Variants in MYO10 observed in about 807,000 individuals in gnomAD.
MYO10 encodes the protein unconventional myosin-X.
In MYO10, 133 loss-of-function variants were observed where a neutral mutation model predicts 257.3. The ratio of observed to expected loss-of-function variants is 0.52; its 90% CI spans 0.45 to 0.60. The LOEUF is 0.60. Ranked by LOEUF, MYO10 falls within the 20% of genes least tolerant of loss-of-function variation. The probability of loss-of-function intolerance (pLI) is 0.00; values close to 1 mark genes in which losing one functional copy is unlikely to be tolerated. For synonymous variants in MYO10, 1,104 were observed against 1,028.6 expected, an observed-to-expected ratio of 1.07 and a Z score of -1.40; for missense variants, 2,399 against 2,635.7, an observed-to-expected ratio of 0.91 and a Z score of 1.97.
chr5:16,730,075 G>A (rs1316762103), intron 19 of MYO10, among the ~76,000 whole-genome samples: 1 of 152,098 alleles, frequency 6.6e-6, no homozygotes, highest in Non-Finnish European at 1.5e-5. Context: ...ACTCAGAGAT[G>A]TATCACAATG....
At chr5:16,913,957 T>C (rs967692630) in intron 1 of MYO10, among the ~76,000 whole-genome samples, 2 of 152,116 alleles carry the variant, frequency 1.3e-5, no homozygotes, top group Non-Finnish European at 2.9e-5. Context: ...CAGCCCCTTT[T>C]ATGGGATTTC....
chr5:16,725,645 T>G (rs1210017577), intron 19 of MYO10, among the ~76,000 whole-genome samples: 2 of 152,140 alleles, frequency 1.3e-5, no homozygotes, highest in African/African-American at 4.8e-5. Context: ...CAAAGTACTT[T>G]ACCTACAATT....
At chr5:16,748,946 T>C (rs1237116115) in intron 19 of MYO10, among the ~76,000 whole-genome samples, 1 of 152,026 alleles carries the variant, frequency 6.6e-6, no homozygotes, top group Non-Finnish European at 1.5e-5. Context: ...AAGACCCCTG[T>C]GTGAGATGGT....
At chr5:16,886,823 T>C (rs866705887) in intron 1 of MYO10, among the ~76,000 whole-genome samples, 1 of 151,742 alleles carries the variant, frequency 6.6e-6, no homozygotes, top group East Asian at 1.9e-4. Context: ...TCTCAGCTAC[T>C]TGGGAGTCTG....
chr5:16,696,191 A>G (rs1737739865), intron 26 of MYO10, among the ~76,000 whole-genome samples: 1 of 152,150 alleles, frequency 6.6e-6, no homozygotes, highest in South Asian at 2.1e-4. Flanking sequence ...ATTTATTGAT[A>G]GCACTCACTC....
At chr5:16,876,782 G>A (rs13436389) in intron 2 of MYO10, among the ~76,000 whole-genome samples, 1 of 152,048 alleles carries the variant, frequency 6.6e-6, no homozygotes, top group African/African-American at 2.4e-5. Context: ...CTTGAACTAA[G>A]GACCTCAAGT....
chr5:16,805,064 C>T (rs1742231715), intron 3 of MYO10, among the ~76,000 whole-genome samples: 1 of 152,182 alleles, frequency 6.6e-6, no homozygotes, highest in Admixed American at 6.5e-5. Context: ...AAGAGGTTCA[C>T]TGAGTAATAA....
At chr5:16,668,806 A>C (rs959657891) in intron 39 of MYO10, among the ~76,000 whole-genome samples, 6 of 152,144 alleles carry the variant, frequency 3.9e-5, no homozygotes, top group Non-Finnish European at 8.8e-5. Flanking sequence ...CGGGGGACTT[A>C]AGGAAGCTTC....
intron 37 of MYO10, among the ~76,000 whole-genome samples, chr5:16,671,838 AAAG>A (rs1483863599): frequency 6.6e-6 from 1 of 152,226 alleles, no homozygotes; most frequent in African/African-American, 2.4e-5. Flanking sequence ...CACGGGAAGA[AAAG>A]AAACAAAAGC....
At position 16,922,887 on chromosome 5, in the gene MYO10, C is replaced by T. The variant is rs1487573535; in HGVS notation, c.21+12901G>A. Among the ~76,000 whole-genome samples the T allele has an allele frequency of 2.6e-5, 4 of 152,014 alleles. No homozygotes were observed. The East Asian group carries it at 5.8e-4, about 22-fold the overall frequency. On this transcript the variant is annotated intron_variant, in intron 1 of 40. Coordinates refer to ENST00000513610, the MANE Select transcript of MYO10 (RefSeq NM_012334.3). Reference sequence around the variant, plus strand: ...CTCTATAAAAAATTTGAAAATTAGCCGGGCGAGGTGGCACATGCCTGTGGT... The same window carrying T: ...CTCTATAAAAAATTTGAAAATTAGCTGGGCGAGGTGGCACATGCCTGTGGT...
At chr5:16,884,345 T>C (rs915187121) in intron 1 of MYO10, among the ~76,000 whole-genome samples, 1 of 152,040 alleles carries the variant, frequency 6.6e-6, no homozygotes, top group African/African-American at 2.4e-5. Context: ...CTGTGAGCCA[T>C]GATTGCACCA....
chr5:16,876,800 C>T (rs541535757), intron 2 of MYO10, among the ~76,000 whole-genome samples: 36 of 152,280 alleles, frequency 2.4e-4, no homozygotes, highest in Admixed American at 4.6e-4. Flanking sequence ...AGTGATCTGT[C>T]CGACTCGGCC....
At chr5:16,763,199 T>C (rs1379034099) in intron 14 of MYO10, among the ~76,000 whole-genome samples, 1 of 152,158 alleles carries the variant, frequency 6.6e-6, no homozygotes, top group South Asian at 2.1e-4. Flanking sequence ...CAAATCTATA[T>C]TGGTACTGGC....
intron 18 of MYO10, 27 bp downstream of exon 18, chr5:16,758,091 T>A (rs746576574): frequency 6.7e-7 from 1 of 1,488,354 alleles, no homozygotes; most frequent in South Asian, 1.1e-5. Context: ...AACGACGGAT[T>A]CCTCTAAGCC....
chr5:16,911,472 C>T (rs1424250191), intron 1 of MYO10, among the ~76,000 whole-genome samples: 6 of 152,196 alleles, frequency 3.9e-5, no homozygotes, highest in Admixed American at 3.9e-4. Flanking sequence ...GGGCTCACAC[C>T]TCTAATCCCA....
chr5:16,894,207 C>A (rs1019208170), intron 1 of MYO10, among the ~76,000 whole-genome samples: 1 of 152,168 alleles, frequency 6.6e-6, no homozygotes. Flanking sequence ...CACCTAATGT[C>A]CTTTTTCCGT....
chr5:16,934,903 GGCTTTCAACGAAAATCACATCA>G (rs1746391807), intron 1 of MYO10, among the ~76,000 whole-genome samples: 2 of 152,148 alleles, frequency 1.3e-5, no homozygotes, highest in African/African-American at 4.8e-5. Context: ...AACATTCCCT[GGCTTTCAACGAAAATCACATCA>G]GACTCTCTCA....
intron 9 of MYO10, among the ~76,000 whole-genome samples, chr5:16,772,647 T>C (rs1364138865): frequency 6.6e-6 from 1 of 152,252 alleles, no homozygotes; most frequent in Non-Finnish European, 1.5e-5. Flanking sequence ...ATGAACATTC[T>C]ATTCTATCAT....
intron 27 of MYO10, among the ~76,000 whole-genome samples, chr5:16,693,494 TAA>T (rs1737599954): frequency 6.6e-6 from 1 of 152,336 alleles, no homozygotes; most frequent in South Asian, 2.1e-4. Context: ...ATCAAATACA[TAA>T]AAGACTTTCT....
Sources: allele counts gnomAD v4.1 joint callset (sites outside exome capture counted in the v4.1 genomes callset), GRCh38; gene constraint gnomAD v4.1.1; transcripts MANE v1.5; gene names NCBI Gene and HGNC (gene_info 2026-07-23, HGNC 2026-07-21).